Variants in MICAL3 observed in about 807,000 individuals in gnomAD.
The protein encoded by MICAL3 is microtubule associated monooxygenase, calponin and LIM domain containing 3, also known as [F-actin]-monooxygenase MICAL3.
Under a neutral mutation model 207.4 loss-of-function variants are expected in MICAL3, and 62 were observed. The ratio of observed to expected loss-of-function variants is 0.30; its 90% CI spans 0.24 to 0.37. The LOEUF is 0.37. MICAL3 is among the 10% of genes least tolerant of loss of function. MICAL3 has a pLI of 1.00. For missense variants in MICAL3, 2,368 were observed against 2,635.6 expected, an observed-to-expected ratio of 0.90 and a Z score of 2.22; for synonymous variants, 1,077 against 1,069.3, an observed-to-expected ratio of 1.01 and a Z score of -0.14.
intron 19 of MICAL3, among the ~76,000 whole-genome samples, chr22:17,859,567 T>C (rs1020764438): frequency 6.6e-6 from 1 of 152,168 alleles, no homozygotes; most frequent in Non-Finnish European, 1.5e-5. Flanking sequence ...CCAAAAAGAA[T>C]CAGATATCCC....
chr22:17,950,565 G>A (rs1319107374), intron 1 of MICAL3, among the ~76,000 whole-genome samples: 1 of 151,944 alleles, frequency 6.6e-6, no homozygotes, highest in East Asian at 1.9e-4. Context: ...TTGAACTCCT[G>A]ACCTCAAGTG....
intron 1 of MICAL3, among the ~76,000 whole-genome samples, chr22:17,914,729 G>A (rs1387705737): frequency 4.6e-5 from 7 of 152,174 alleles, no homozygotes; most frequent in Non-Finnish European, 8.8e-5. Context: ...CTTTCCAAAT[G>A]GCAGTGAGAG....
rs1929825207 is a variant in MICAL3, at chr22:17,885,868, T to C, written c.2241+10A>G. 1 of 1,613,396 alleles carries C rather than the reference T, an allele frequency of 6.2e-7. No homozygotes were observed. The highest frequency in any genetic ancestry group is 1.3e-5 in the African/African-American group (1 of 74,984). On this transcript the variant is annotated intron_variant, in intron 16 of 31. Coordinates refer to ENST00000441493, the MANE Select transcript of MICAL3 (RefSeq NM_015241.3). ...CAAATCGGTGTGGGCAGGGCACGGG[T>C]TGGGTTTACCTGTCTCCGTATGCCG...
intron 1 of MICAL3, chr22:18,019,712 A>G (rs1489759928): frequency 5.6e-6 from 1 of 177,822 alleles, no homozygotes; most frequent in Non-Finnish European, 1.2e-5. Flanking sequence ...AAAAAAAAAG[A>G]AAAAGAAAAA....
intron 1 of MICAL3, among the ~76,000 whole-genome samples, chr22:17,989,143 T>C (rs1921377243): frequency 6.6e-6 from 1 of 152,114 alleles, no homozygotes; most frequent in Non-Finnish European, 1.5e-5. Flanking sequence ...GCCCACACTG[T>C]ACCCTGACAT....
intron 1 of MICAL3, among the ~76,000 whole-genome samples, chr22:18,020,767 A>G (rs1387022136): frequency 6.6e-6 from 1 of 151,588 alleles, no homozygotes; most frequent in South Asian, 2.1e-4. Flanking sequence ...TACAAAAATT[A>G]GCCGGGTATG....
At position 17,895,529 on chromosome 22, in the gene MICAL3, C is replaced by T. The variant is rs950346749; in HGVS notation, c.1323-119G>A. The T allele has an allele frequency of 6.3e-5, 74 of 1,174,278 alleles. No individual in the cohort carries two copies. The African/African-American group carries it at 9.9e-4, about 16-fold the overall frequency. The allele number at this position is 1,174,278 out of a possible 1,614,324, so 72.7% of individuals were successfully genotyped here. On this transcript the variant is annotated intron_variant, in intron 9 of 31. Transcript: ENST00000441493. ...CTGACATGCCTGACAAATCCTCATC[C>T]TTGACCAGTCTTCTTGAGTCCTACG... is the stretch of plus-strand genomic sequence containing the variant.
Position 17,831,884 on chromosome 22 carries a change from A to G in MICAL3, c.3025T>C (p.Tyr1009His). Residue 1009 changes from tyrosine (Y) to histidine (H), a missense_variant, in exon 21 of 32, where the codon TAT becomes CAT. This residue lies in a region of MICAL3 where 1,770 missense variants were observed against 1,863.2 expected (regional missense o/e 0.95). Transcript: ENST00000441493. ...EEYEEEEEEDYDEEEEESSEA... is the reference protein window; with the variant it reads ...EEYEEEEEEDHDEEEEESSEA... ...CTGGACTCTTCCTCCTCCTCGTCAT[A>G]GTCCTCCTCCTCCTCCTCTTCATAT... 1 of 1,553,724 alleles carries G rather than the reference A, an allele frequency of 6.4e-7. No homozygotes were observed.
intron 24 of MICAL3, 66 bp downstream of exon 24, chr22:17,821,964 C>G: frequency 6.3e-7 from 1 of 1,580,676 alleles, no homozygotes; most frequent in Non-Finnish European, 8.6e-7. Flanking sequence ...CCCTGAGCCA[C>G]TCTTGTGTGC....
chr22:17,981,814 T>C (rs550487979), intron 1 of MICAL3, among the ~76,000 whole-genome samples: 1 of 152,320 alleles, frequency 6.6e-6, no homozygotes, highest in African/African-American at 2.4e-5. Flanking sequence ...TGGCGGCAGT[T>C]AACAACCAAC....
chr22:17,860,811 G>A (rs1602075969), intron 19 of MICAL3: 7 of 985,330 alleles, frequency 7.1e-6, no homozygotes, highest in South Asian at 4.7e-5. Flanking sequence ...CTGCCCGTAC[G>A]CTGCTGTGCA....
chr22:17,820,240 G>T (rs988845771), intron 25 of MICAL3, among the ~76,000 whole-genome samples: 1 of 151,804 alleles, frequency 6.6e-6, no homozygotes, highest in East Asian at 1.9e-4. Context: ...CTTTCTCCCT[G>T]ATCTGACCTG....
intron 1 of MICAL3, chr22:18,006,228 G>A (rs1349346784): frequency 2.0e-5 from 3 of 152,216 alleles, no homozygotes; most frequent in Non-Finnish European, 4.4e-5. Flanking sequence ...TGTACTTAGT[G>A]CATGGGGTGA....
chr22:17,860,992 C>G (rs191162386), intron 19 of MICAL3: 177 of 984,114 alleles, frequency 1.8e-4, no homozygotes, highest in Admixed American at 8.0e-4. Context: ...GATCTATATA[C>G]ATACAAACGT....
intron 29 of MICAL3, among the ~76,000 whole-genome samples, chr22:17,805,047 T>C (rs2061976526): frequency 6.6e-6 from 1 of 152,188 alleles, no homozygotes. Context: ...GCTAGAGCGC[T>C]TCTCTGGAAA....
intron 22 of MICAL3, among the ~76,000 whole-genome samples, chr22:17,826,121 C>T (rs977563384): frequency 3.9e-5 from 6 of 152,326 alleles, no homozygotes; most frequent in South Asian, 2.1e-4. Flanking sequence ...CACACTCAAT[C>T]GGTAACCACC....
chr22:17,835,561 A>C (rs1321448786), intron 20 of MICAL3, among the ~76,000 whole-genome samples: 1 of 152,198 alleles, frequency 6.6e-6, no homozygotes, highest in East Asian at 1.9e-4. Flanking sequence ...AGGAGGGAGG[A>C]AGCTGCAGTG....
chr22:17,860,442 C>T, intron 19 of MICAL3: 1 of 985,486 alleles, frequency 1.0e-6, no homozygotes, highest in Non-Finnish European at 1.2e-6. Context: ...GGGAAGCCGG[C>T]TGGCTGTCCG....
At position 17,819,020 on chromosome 22, in the gene MICAL3, G is replaced by C; in HGVS notation, c.3641C>G (p.Ser1214Trp). ...GGGAGAGTGCACAGCTTTCAGATCC[G>C]AGGGGGCATCAGCTTTGGGCTTCTC... ...PKEKPKADAP[S>W]DLKAVHSPIR... is the part of the protein sequence containing the mutation. The change falls in exon 26 of 32, where the codon TCG (serine) becomes TGG (tryptophan). Residue 1214 changes from serine to tryptophan, a missense_variant. By Grantham distance (177) the Ser-to-Trp change is radical. Transcript: ENST00000441493. The C allele has an allele frequency of 6.2e-7, 1 of 1,607,344 alleles. No individual in the cohort carries two copies.
Sources: allele counts gnomAD v4.1 joint callset (sites outside exome capture counted in the v4.1 genomes callset), GRCh38; gene constraint gnomAD v4.1.1; regional missense constraint gnomAD v4.1.1; transcripts MANE v1.5; gene names NCBI Gene and HGNC (gene_info 2026-07-23, HGNC 2026-07-21).